Variants in CPQ observed in about 807,000 individuals in gnomAD.
CPQ encodes the protein Ser-Met dipeptidase.
CPQ carries 37 observed loss-of-function variants against 45.7 expected under a neutral mutation model. The observed-to-expected ratio is 0.81, with a 90% confidence interval of 0.62 to 1.07. The LOEUF is 1.07. Among genes scored for constraint, CPQ ranks in the 50% least tolerant of loss-of-function variants. The pLI is 0.00. For synonymous variants in CPQ, 186 were observed against 205.8 expected, an observed-to-expected ratio of 0.90 and a Z score of 0.82; for missense variants, 537 against 572.9, an observed-to-expected ratio of 0.94 and a Z score of 0.64.
At chr8:97,089,689 T>C (rs1811099499) in intron 7 of CPQ, among the ~76,000 whole-genome samples, 1 of 152,202 alleles carries the variant, frequency 6.6e-6, no homozygotes, top group Non-Finnish European at 1.5e-5. Context: ...TCTGTCATTT[T>C]TTCCTTTTTA....
chr8:96,771,099 A>G (rs1298694198), intron 1 of CPQ, among the ~76,000 whole-genome samples: 1 of 145,918 alleles, frequency 6.9e-6, no homozygotes, highest in Non-Finnish European at 1.5e-5. Context: ...TATTATATAT[A>G]TATAAATATA....
At chr8:97,101,861 G>A (rs543559180) in intron 7 of CPQ, among the ~76,000 whole-genome samples, 1 of 150,756 alleles carries the variant, frequency 6.6e-6, no homozygotes, top group Non-Finnish European at 1.5e-5. Flanking sequence ...CCCTTCCCAC[G>A]TGTTGCTTTC....
At chr8:96,916,265 G>A (rs1260894542) in intron 4 of CPQ, among the ~76,000 whole-genome samples, 1 of 152,096 alleles carries the variant, frequency 6.6e-6, no homozygotes, top group African/African-American at 2.4e-5. Context: ...CTATTTATGT[G>A]TCATGATGAT....
At chr8:97,018,077 C>T (rs1361989832) in intron 5 of CPQ, among the ~76,000 whole-genome samples, 5 of 152,146 alleles carry the variant, frequency 3.3e-5, no homozygotes, top group Non-Finnish European at 5.9e-5. Context: ...GTGCAGATGA[C>T]CCCAGTACCA....
intron 1 of CPQ, among the ~76,000 whole-genome samples, chr8:96,735,717 T>A (rs1809973588): frequency 6.6e-6 from 1 of 152,196 alleles, no homozygotes; most frequent in South Asian, 2.1e-4. Context: ...CATAGACCCA[T>A]CTGCAGACAG....
At chr8:97,079,398 T>G (rs1395278908) in intron 7 of CPQ, among the ~76,000 whole-genome samples, 1 of 152,220 alleles carries the variant, frequency 6.6e-6, no homozygotes, top group Non-Finnish European at 1.5e-5. Context: ...ATATATTTGT[T>G]GTTTACTATG....
intron 4 of CPQ, among the ~76,000 whole-genome samples, chr8:96,926,576 C>CTCTTCTTCTTCTTCTTCTTCT (rs60745622): frequency 0.02 from 1,499 of 74,982 alleles, 65 homozygotes; most frequent in Middle Eastern, 0.048. Context: ...CTTCCTCTTC[C>CTCTTCTTCTTCTTCTTCTTCT]TCTTCTTCTT....
intron 5 of CPQ, among the ~76,000 whole-genome samples, chr8:97,013,793 G>A (rs1317850393): frequency 6.6e-6 from 1 of 152,186 alleles, no homozygotes; most frequent in Admixed American, 6.5e-5. Context: ...TACTAAAGAG[G>A]ATGGTCTATC....
intron 4 of CPQ, among the ~76,000 whole-genome samples, chr8:96,883,303 A>T (rs1812254387): frequency 6.6e-6 from 1 of 152,116 alleles, no homozygotes; most frequent in Non-Finnish European, 1.5e-5. Flanking sequence ...TTGGAGTGGA[A>T]TTGCTGGACT....
At chr8:97,133,956 T>C (rs1404196520) in intron 7 of CPQ, among the ~76,000 whole-genome samples, 1 of 152,300 alleles carries the variant, frequency 6.6e-6, no homozygotes, top group African/African-American at 2.4e-5. Context: ...ACATACTGAG[T>C]TCTACATAAT....
At chr8:97,089,192 G>A (rs1193309659) in intron 7 of CPQ, among the ~76,000 whole-genome samples, 8 of 144,702 alleles carry the variant, frequency 5.5e-5, no homozygotes, top group Non-Finnish European at 1.0e-4. Flanking sequence ...GTGGTGAGCC[G>A]AGATCGTGCC....
At chr8:97,039,575 T>A (rs1810075706) in intron 6 of CPQ, among the ~76,000 whole-genome samples, 1 of 152,024 alleles carries the variant, frequency 6.6e-6, no homozygotes. Flanking sequence ...GCTGGTGTGC[T>A]GCACCCATTA....
At chr8:96,991,565 A>C (rs1302722881) in intron 5 of CPQ, among the ~76,000 whole-genome samples, 3 of 70,274 alleles carry the variant, frequency 4.3e-5, no homozygotes, top group African/African-American at 1.1e-4. Flanking sequence ...TAATAATAAT[A>C]ATAATAATAA....
chr8:97,090,398 C>T (rs1205976016), intron 7 of CPQ, among the ~76,000 whole-genome samples: 3 of 152,156 alleles, frequency 2.0e-5, no homozygotes, highest in Non-Finnish European at 2.9e-5. Flanking sequence ...CAATTGAAAA[C>T]CTAGCATTTT....
chr8:97,048,605 T>C (rs912806815), intron 6 of CPQ, among the ~76,000 whole-genome samples: 1 of 152,242 alleles, frequency 6.6e-6, no homozygotes, highest in African/African-American at 2.4e-5. Context: ...CCAAACTGTT[T>C]TCTGAATGTA....
intron 1 of CPQ, among the ~76,000 whole-genome samples, chr8:96,703,450 AG>A (rs1809494819): frequency 6.6e-6 from 1 of 152,196 alleles, no homozygotes; most frequent in Non-Finnish European, 1.5e-5. Context: ...GAATGAAAAA[AG>A]TAACACTCAA....
At chr8:96,710,950 G>A (rs1462134935) in intron 1 of CPQ, among the ~76,000 whole-genome samples, 1 of 152,140 alleles carries the variant, frequency 6.6e-6, no homozygotes, top group Non-Finnish European at 1.5e-5. Flanking sequence ...GAGCATTGAA[G>A]TTCCCCACTA....
At chr8:96,816,704 A>T (rs1012229474) in intron 2 of CPQ, among the ~76,000 whole-genome samples, 4 of 152,138 alleles carry the variant, frequency 2.6e-5, no homozygotes, top group African/African-American at 9.7e-5. Context: ...TTCAGATTGG[A>T]TGTTGTATTA....
intron 1 of CPQ, among the ~76,000 whole-genome samples, chr8:96,764,068 A>G (rs919064635): frequency 6.6e-6 from 1 of 152,208 alleles, no homozygotes; most frequent in African/African-American, 2.4e-5. Context: ...TAAATGTTTT[A>G]CTTGTTATAG....
Sources: allele counts gnomAD v4.1 joint callset (sites outside exome capture counted in the v4.1 genomes callset), GRCh38; gene constraint gnomAD v4.1.1; transcripts MANE v1.5; gene names NCBI Gene and HGNC (gene_info 2026-07-23, HGNC 2026-07-21).